AK9: variants seen among roughly 807,000 people sequenced by gnomAD.
AK9 encodes the protein adenylate kinase 9.
Under a neutral mutation model 239.6 loss-of-function variants are expected in AK9, and 191 were observed. The observed-to-expected ratio is 0.80, with a 90% CI of 0.71 to 0.90. The LOEUF is 0.90. AK9 is among the 40% of genes least tolerant of loss of function. The pLI, the probability that AK9 is intolerant of heterozygous loss-of-function variation, is 0.00. For missense variants in AK9, 1,995 were observed against 2,214.7 expected (o/e 0.90, Z 1.99); for synonymous variants, 689 against 721.0 (o/e 0.96, Z 0.71).
chr6:109,642,804 T>G (rs1797622382), intron 9 of AK9, among the ~76,000 whole-genome samples: 1 of 152,030 alleles, frequency 6.6e-6, no homozygotes, highest in African/African-American at 2.4e-5. Context: ...GGTGGTGAAG[T>G]TCTATCTTGC....
chr6:109,516,005 T>C lies in AK9; in HGVS notation c.3917A>G (p.Tyr1306Cys), dbSNP rs1191267486. ...NGARRNHIVQ[Y>C]TLNMKLKPLV... ...TGGTTTCAGTTTCATATTCAATGTA[T>C]ATTGTACAATGTGATTTCTCCGAGC... The change falls in exon 31 of 41, where the codon TAT becomes TGT. Residue 1306 changes from tyrosine (Y) to cysteine (C), a missense_variant. By Grantham distance (194) the Tyr-to-Cys change is radical. Around this residue, in one of 5 missense-constraint regions of AK9, gnomAD observed 1,290 missense variants for 1,392.7 expected, o/e 0.93. Transcript: ENST00000424296. The C allele has an allele frequency of 6.4e-7, 1 of 1,551,238 alleles. No homozygotes were observed. The highest frequency in any genetic ancestry group is 1.4e-5 in the African/African-American group (1 of 73,030).
At chr6:109,505,622 C>G (rs1238253170) in intron 35 of AK9, among the ~76,000 whole-genome samples, 1 of 152,114 alleles carries the variant, frequency 6.6e-6, no homozygotes, top group Non-Finnish European at 1.5e-5. Flanking sequence ...TGTCACTCTG[C>G]AATCATGGAC....
chr6:109,559,369 G>A (rs1314578479), intron 24 of AK9, among the ~76,000 whole-genome samples: 3 of 151,800 alleles, frequency 2.0e-5, no homozygotes, highest in Non-Finnish European at 2.9e-5. Context: ...GGGTTTCACC[G>A]TGTTAGCCAG....
chr6:109,544,297 T>C (rs1783252334), intron 26 of AK9, among the ~76,000 whole-genome samples: 1 of 152,146 alleles, frequency 6.6e-6, no homozygotes, highest in Non-Finnish European at 1.5e-5. Flanking sequence ...AATGAAGAAC[T>C]TTCATTGTAT....
rs553236647 is a variant in AK9, at chr6:109,524,657, T to C, written c.3633+4354A>G. On this transcript the variant is annotated intron_variant, in intron 29 of 40. Coordinates refer to ENST00000424296, the MANE Select transcript of AK9 (RefSeq NM_001145128.3). ...AAGAACATCAGAAATAGTAAATATC[T>C]GGATAAATGGAAAACAAGGCTTACT... is the stretch of plus-strand genomic sequence containing the variant. Among the ~76,000 whole-genome samples the C allele has an allele frequency of 1.1e-4, 17 of 152,268 alleles. No homozygotes were observed. In the East Asian group the frequency reaches 2.7e-3, roughly 24 times the overall value.
At chr6:109,576,764 T>C (rs1188709559) in intron 20 of AK9, among the ~76,000 whole-genome samples, 1 of 152,032 alleles carries the variant, frequency 6.6e-6, no homozygotes, top group Non-Finnish European at 1.5e-5. Flanking sequence ...CTTGTTCTAG[T>C]TCTCAGTGGG....
At chr6:109,615,116 C>T (rs1794008275) in intron 13 of AK9, among the ~76,000 whole-genome samples, 1 of 152,204 alleles carries the variant, frequency 6.6e-6, no homozygotes, top group African/African-American at 2.4e-5. Flanking sequence ...GCCCGGCTAA[C>T]TTCCTGCCTT....
chr6:109,672,693 A>G (rs1370004663), intron 3 of AK9, among the ~76,000 whole-genome samples: 1 of 152,186 alleles, frequency 6.6e-6, no homozygotes, highest in Non-Finnish European at 1.5e-5. Context: ...CTCAAAATAA[A>G]AATAAAAAAT....
intron 15 of AK9, among the ~76,000 whole-genome samples, chr6:109,612,848 C>A (rs570175594): frequency 3.3e-5 from 5 of 150,642 alleles, no homozygotes; most frequent in African/African-American, 1.2e-4. Context: ...AATAAAAAAA[C>A]CAAAATGTAA....
intron 17 of AK9, among the ~76,000 whole-genome samples, chr6:109,597,378 A>T (rs1038852744): frequency 2.6e-5 from 4 of 152,170 alleles, no homozygotes; most frequent in African/African-American, 9.7e-5. Context: ...AATTTTCTTT[A>T]AAAATTTTTT....
At chr6:109,627,396 C>T (rs1224590709) in intron 12 of AK9, among the ~76,000 whole-genome samples, 1 of 152,116 alleles carries the variant, frequency 6.6e-6, no homozygotes, top group Non-Finnish European at 1.5e-5. Context: ...ATTGTAAATA[C>T]TAAGCCATTA....
intron 8 of AK9, among the ~76,000 whole-genome samples, chr6:109,648,566 C>T (rs1423913368): frequency 2.6e-5 from 4 of 152,118 alleles, no homozygotes; most frequent in African/African-American, 9.7e-5. Flanking sequence ...CTGAATAGAC[C>T]AATAACAGGC....
chr6:109,607,770 T>G (rs1156345609), intron 17 of AK9, among the ~76,000 whole-genome samples: 4 of 143,966 alleles, frequency 2.8e-5, no homozygotes, highest in African/African-American at 7.7e-5. Context: ...AGCAGAGGGG[T>G]GTGTGTGTGT....
intron 29 of AK9, among the ~76,000 whole-genome samples, chr6:109,519,479 G>A (rs1779611682): frequency 6.6e-6 from 1 of 152,012 alleles, no homozygotes; most frequent in Non-Finnish European, 1.5e-5. Context: ...ACTAGTATCT[G>A]TTGTTTTTTG....
chr6:109,638,880 C>T (rs1797043770), intron 10 of AK9, among the ~76,000 whole-genome samples: 1 of 152,160 alleles, frequency 6.6e-6, no homozygotes, highest in South Asian at 2.1e-4. Flanking sequence ...CAATTCCCAC[C>T]TATGAGTGAG....
chr6:109,607,968 C>T (rs1418255221), intron 17 of AK9, among the ~76,000 whole-genome samples: 1 of 151,982 alleles, frequency 6.6e-6, no homozygotes, highest in Non-Finnish European at 1.5e-5. Context: ...TCTCAGATGT[C>T]ATGATTTATT....
At chr6:109,533,148 T>A in intron 28 of AK9, 103 bp downstream of exon 28, 1 of 789,632 alleles carries the variant, frequency 1.3e-6, no homozygotes, top group South Asian at 2.9e-5. Flanking sequence ...CTTACTGTGG[T>A]ATTAAAATTA....
chr6:109,581,082 G>A (rs1788798685), intron 19 of AK9, among the ~76,000 whole-genome samples: 1 of 151,924 alleles, frequency 6.6e-6, no homozygotes, highest in South Asian at 2.1e-4. Flanking sequence ...TATATAAGAC[G>A]GTGAACTTAA....
chr6:109,654,874 C>T (rs956318288), intron 8 of AK9, among the ~76,000 whole-genome samples: 1 of 152,184 alleles, frequency 6.6e-6, no homozygotes, highest in African/African-American at 2.4e-5. Context: ...CTTGGAGACA[C>T]ACTGAACTTT....
Sources: allele counts gnomAD v4.1 joint callset (sites outside exome capture counted in the v4.1 genomes callset), GRCh38; gene constraint gnomAD v4.1.1; regional missense constraint gnomAD v4.1.1; transcripts MANE v1.5; gene names NCBI Gene and HGNC (gene_info 2026-07-23, HGNC 2026-07-21).